The following CACHD1 variants were observed in gnomAD, a reference collection of about 807,000 sequenced individuals.
CACHD1 encodes the protein VWFA and cache domain-containing protein 1.
CACHD1 carries 71 observed loss-of-function variants against 138.7 expected under a neutral mutation model. The observed-to-expected ratio is 0.51, with a 90% CI of 0.42 to 0.62. The LOEUF (loss-of-function observed/expected upper bound fraction) is 0.62. Ranked by LOEUF, CACHD1 falls within the 20% of genes least tolerant of loss-of-function variation. CACHD1 has a pLI of 0.00. For synonymous variants in CACHD1, 578 were observed against 591.5 expected (o/e 0.98, Z 0.33); for missense variants, 1,389 against 1,625.3 (o/e 0.85, Z 2.50).
chr1:64,500,731 AAAAAGAGAGAGAGAG>A (rs1557463588), intron 1 of CACHD1, among the ~76,000 whole-genome samples: 1 of 38,264 alleles, frequency 2.6e-5, no homozygotes. Context: ...AAAAAAAAAA[AAAAAGAGAGAGAGAG>A]AGAGAGAGAG....
intron 4 of CACHD1, among the ~76,000 whole-genome samples, 187 bp downstream of exon 4, chr1:64,603,099 CTTTTTTTTTTTTTTT>C (rs34372401): frequency 1.5e-5 from 1 of 64,940 alleles, no homozygotes; most frequent in African/African-American, 5.0e-5. Context: ...AAGCTTACAT[CTTTTTTTTTTTTTTT>C]TTTTTTTTTT....
At chr1:64,621,375 T>G (rs911546950) in intron 4 of CACHD1, among the ~76,000 whole-genome samples, 1 of 152,130 alleles carries the variant, frequency 6.6e-6, no homozygotes, top group African/African-American at 2.4e-5. Flanking sequence ...GTGAGGATGC[T>G]CCCCTCTTCC....
chr1:64,480,229 T>C (rs1646200205), intron 1 of CACHD1, among the ~76,000 whole-genome samples: 1 of 152,224 alleles, frequency 6.6e-6, no homozygotes, highest in South Asian at 2.1e-4. Flanking sequence ...GTTTTACAAA[T>C]GTTCATTTTA....
rs1454245133 is a variant in CACHD1, at chr1:64,663,726, C to T, written c.1983C>T (p.Ser661=). 6.2e-7 allele frequency: 1 copy of T among 1,614,104 alleles called. No homozygotes were observed. Among genetic ancestry groups the T allele is most frequent in the Admixed American group, 1.7e-5 (1 of 60,000 alleles). The change falls in exon 14 of 27, where the codon AGC becomes AGT. Residue 661 remains serine (S), a synonymous_variant. Transcript: ENST00000651257. ...CCACCATCATGCTGTCTGCTGGCAGCTTTTCCTCCCCCTATGAGCACCTCA... is the reference window on the plus strand; with the variant it reads ...CCACCATCATGCTGTCTGCTGGCAGTTTTTCCTCCCCCTATGAGCACCTCA... The part of the protein sequence containing the change: ...ESPTIMLSAG[S]FSSPYEHLSQ...
chr1:64,487,439 A>G (rs919074908), intron 1 of CACHD1, among the ~76,000 whole-genome samples: 1 of 152,192 alleles, frequency 6.6e-6, no homozygotes, highest in African/African-American at 2.4e-5. Flanking sequence ...ACCTACTCCT[A>G]GAGCCCAAAG....
At chr1:64,650,880 G>A (rs971904604) in intron 9 of CACHD1, among the ~76,000 whole-genome samples, 2 of 152,094 alleles carry the variant, frequency 1.3e-5, no homozygotes, top group Non-Finnish European at 1.5e-5. Flanking sequence ...GTTGGGGATC[G>A]TAAAGATCAT....
chr1:64,525,237 G>A (rs1385456461), intron 1 of CACHD1, among the ~76,000 whole-genome samples: 1 of 152,142 alleles, frequency 6.6e-6, no homozygotes, highest in East Asian at 1.9e-4. Context: ...TGCCAAGAAT[G>A]ACATTGAGAA....
chr1:64,529,065 A>G (rs1646561985), intron 1 of CACHD1, among the ~76,000 whole-genome samples: 1 of 152,154 alleles, frequency 6.6e-6, no homozygotes, highest in Admixed American at 6.6e-5. Flanking sequence ...ATTTGAATTC[A>G]TGAATCTATA....
intron 7 of CACHD1, among the ~76,000 whole-genome samples, chr1:64,634,937 A>G (rs1407397133): frequency 7.1e-6 from 1 of 140,018 alleles, no homozygotes; most frequent in Admixed American, 7.9e-5. Context: ...CAGAGGTTGC[A>G]GTAAGCCAAG....
intron 8 of CACHD1, among the ~76,000 whole-genome samples, chr1:64,644,381 G>A (rs1477703045): frequency 6.6e-6 from 1 of 152,236 alleles, no homozygotes; most frequent in Admixed American, 6.5e-5. Context: ...CAGTGAGGAA[G>A]ATAGGTAGAC....
chr1:64,564,249 C>A (rs1031867283), intron 2 of CACHD1, among the ~76,000 whole-genome samples: 3 of 152,124 alleles, frequency 2.0e-5, no homozygotes, highest in African/African-American at 7.2e-5. Context: ...AGAGGTTGAC[C>A]CTATGCCCAG....
intron 4 of CACHD1, among the ~76,000 whole-genome samples, chr1:64,620,287 C>CAT (rs1377149039): frequency 6.6e-6 from 1 of 152,144 alleles, no homozygotes; most frequent in Non-Finnish European, 1.5e-5. Flanking sequence ...TCCCTACCTA[C>CAT]ATGTAGCTGT....
chr1:64,511,827 G>A (rs305583), intron 1 of CACHD1, among the ~76,000 whole-genome samples: 145,950 of 152,302 alleles, frequency 0.96, 69,961 homozygotes, highest in African/African-American at 0.99. Context: ...TTGAACTACA[G>A]TTGCCTTCCT....
intron 1 of CACHD1, among the ~76,000 whole-genome samples, chr1:64,532,371 G>T (rs184806184): frequency 6.6e-6 from 1 of 152,166 alleles, no homozygotes; most frequent in African/African-American, 2.4e-5. Context: ...TGCAGCATAC[G>T]TATTGTGGAG....
chr1:64,489,089 A>G (rs1384887428), intron 1 of CACHD1, among the ~76,000 whole-genome samples: 1 of 152,190 alleles, frequency 6.6e-6, no homozygotes, highest in Non-Finnish European at 1.5e-5. Context: ...ATTGTGTTTC[A>G]GGGATTAACT....
intron 4 of CACHD1, among the ~76,000 whole-genome samples, chr1:64,628,056 A>G (rs918983401): frequency 2.6e-5 from 4 of 152,236 alleles, no homozygotes; most frequent in Non-Finnish European, 5.9e-5. Context: ...ATCTGAAGAT[A>G]AGAACACATA....
rs1009796990 is a variant in CACHD1 at position 64,516,203 on chromosome 1, G to A, written c.199-34391G>A. On this transcript the variant is annotated intron_variant, in intron 1 of 26. Transcript: ENST00000651257. ...GTCCTAATTCTAAATATACCTGTCC[G>A]TTTAACATTTTCTTTTTTCTCCTGG... Among the ~76,000 whole-genome samples the A allele has an allele frequency of 1.8e-4, 27 of 152,206 alleles. No homozygotes were observed. In the East Asian group the frequency reaches 4.2e-3, roughly 24 times the overall value.
chr1:64,658,905 C>G, intron 13 of CACHD1, 32 bp downstream of exon 13: 1 of 1,490,464 alleles, frequency 6.7e-7, no homozygotes, highest in Non-Finnish European at 9.0e-7. Flanking sequence ...CACATTCTTA[C>G]TCTTAGCAGC....
intron 3 of CACHD1, among the ~76,000 whole-genome samples, chr1:64,585,091 T>C (rs976366433): frequency 6.6e-6 from 1 of 152,220 alleles, no homozygotes; most frequent in African/African-American, 2.4e-5. Flanking sequence ...ACTCTAAATT[T>C]CTAGCAATAG....
Sources: allele counts gnomAD v4.1 joint callset (sites outside exome capture counted in the v4.1 genomes callset), GRCh38; gene constraint gnomAD v4.1.1; transcripts MANE v1.5; gene names NCBI Gene and HGNC (gene_info 2026-07-23, HGNC 2026-07-21).